The following FOXO1 variants were observed in gnomAD, a reference collection of about 807,000 sequenced individuals.
The protein encoded by FOXO1 is forkhead box O1, also known as forkhead box protein O1.
Under a neutral mutation model 44.1 loss-of-function variants are expected in FOXO1, and 6 were observed. The ratio of observed to expected loss-of-function variants is 0.14; its 90% CI spans 0.07 to 0.27. FOXO1 has a LOEUF of 0.27. Among genes scored for constraint, FOXO1 ranks in the 10% least tolerant of loss-of-function variants. The probability of loss-of-function intolerance (pLI) is 1.00; values close to 1 mark genes in which losing one functional copy is unlikely to be tolerated. For missense variants in FOXO1, 737 were observed against 888.8 expected (o/e 0.83, Z 2.17); for synonymous variants, 380 against 362.7 (o/e 1.05, Z -0.54).
intron 1 of FOXO1, among the ~76,000 whole-genome samples, chr13:40,587,997 T>G (rs1057197256): frequency 3.3e-5 from 5 of 152,150 alleles, no homozygotes; most frequent in Admixed American, 6.6e-5. Context: ...CTTTTCAAAT[T>G]GCATAACACA....
chr13:40,638,690 A>G (rs143399596), intron 1 of FOXO1, among the ~76,000 whole-genome samples: 3 of 152,190 alleles, frequency 2.0e-5, no homozygotes, highest in African/African-American at 7.2e-5. Flanking sequence ...TGGGAGGAGG[A>G]GGAGGGGGCC....
At chr13:40,567,447 A>C (rs184376960) in intron 1 of FOXO1, among the ~76,000 whole-genome samples, 1 of 152,200 alleles carries the variant, frequency 6.6e-6, no homozygotes, top group African/African-American at 2.4e-5. Flanking sequence ...AAAAGGAAAA[A>C]TTAAGACTCA....
At chr13:40,648,146 G>A (rs1242127403) in intron 1 of FOXO1, among the ~76,000 whole-genome samples, 1 of 152,108 alleles carries the variant, frequency 6.6e-6, no homozygotes. Context: ...ACCTACAGTA[G>A]AGGAAAGCCA....
At chr13:40,629,772 T>C (rs905362175) in intron 1 of FOXO1, among the ~76,000 whole-genome samples, 1 of 152,192 alleles carries the variant, frequency 6.6e-6, no homozygotes, top group Non-Finnish European at 1.5e-5. Context: ...TTGCTTCACA[T>C]GCTCAGTGGG....
intron 1 of FOXO1, among the ~76,000 whole-genome samples, chr13:40,633,405 T>C (rs1877042260): frequency 6.6e-6 from 1 of 152,252 alleles, no homozygotes; most frequent in Non-Finnish European, 1.5e-5. Context: ...GGATAAAATA[T>C]ACTATTTCCA....
chr13:40,666,115 C>T lies in FOXO1; in HGVS notation c.98G>A (p.Ser33Asn). Residue 33 changes from serine to asparagine, a missense_variant, in exon 1 of 3, where the codon AGC becomes AAC. This residue lies in a region of FOXO1 where 213 missense variants were observed against 236.4 expected (regional missense o/e 0.90). Transcript: ENST00000379561. ...GCTGGAGGTGGCCGAGTTGGACTGG[C>T]TAAACTCCGGCCTGGGCAGCGGCCA... ...CTWPLPRPEFSQSNSATSSPA... is the reference protein window; with the variant it reads ...CTWPLPRPEFNQSNSATSSPA... 2.1e-6 allele frequency: 3 copies of T among 1,439,772 alleles called. No homozygotes were observed. The highest frequency in any genetic ancestry group is 2.7e-6 in the Non-Finnish European group (3 of 1,099,400). The allele number at this position is 1,439,772 out of a possible 1,614,324, so 89.2% of individuals were successfully genotyped here.
intron 1 of FOXO1, among the ~76,000 whole-genome samples, chr13:40,650,957 G>T (rs111659253): frequency 0.032 from 4,903 of 152,198 alleles, 180 homozygotes; most frequent in African/African-American, 0.083. Flanking sequence ...GTTTCACCAC[G>T]TTAGCCAGGC....
chr13:40,594,549 C>T (rs1875505404), intron 1 of FOXO1, among the ~76,000 whole-genome samples: 1 of 152,068 alleles, frequency 6.6e-6, no homozygotes, highest in African/African-American at 2.4e-5. Context: ...TTCAACCTGC[C>T]ACAGTGGGGA....
chr13:40,570,166 C>T (rs1009933104), intron 1 of FOXO1, among the ~76,000 whole-genome samples: 1 of 151,744 alleles, frequency 6.6e-6, no homozygotes, highest in Non-Finnish European at 1.5e-5. Context: ...AAAAATTGGC[C>T]GGGTGTGGTG....
chr13:40,601,676 G>T (rs1433837984), intron 1 of FOXO1, among the ~76,000 whole-genome samples: 3 of 152,090 alleles, frequency 2.0e-5, no homozygotes, highest in Non-Finnish European at 4.4e-5. Flanking sequence ...GATTAAATGG[G>T]TTTTTTGGTC....
chr13:40,563,037 C>T (rs938890266), intron 1 of FOXO1, among the ~76,000 whole-genome samples: 2 of 152,240 alleles, frequency 1.3e-5, no homozygotes, highest in Non-Finnish European at 2.9e-5. Flanking sequence ...GCACAGTCTC[C>T]CAGCTTTCTT....
At chr13:40,616,743 G>A (rs1412990875) in intron 1 of FOXO1, among the ~76,000 whole-genome samples, 1 of 152,170 alleles carries the variant, frequency 6.6e-6, no homozygotes, top group Non-Finnish European at 1.5e-5. Context: ...TGCATGCAAG[G>A]GGTGTGGAGG....
chr13:40,587,941 A>G (rs1875230849), intron 1 of FOXO1, among the ~76,000 whole-genome samples: 2 of 152,156 alleles, frequency 1.3e-5, no homozygotes, highest in Admixed American at 1.3e-4. Context: ...AAGGCCTTTC[A>G]TGTGAAAGAG....
At chr13:40,617,184 G>A (rs563804595) in intron 1 of FOXO1, among the ~76,000 whole-genome samples, 5 of 152,202 alleles carry the variant, frequency 3.3e-5, no homozygotes, top group South Asian at 2.1e-4. Flanking sequence ...AGTGGCTCAC[G>A]CCTGTAATCC....
intron 1 of FOXO1, chr13:40,619,140 A>T (rs971608824): frequency 2.8e-6 from 1 of 357,020 alleles, no homozygotes; most frequent in Non-Finnish European, 5.4e-6. Context: ...ATAAAAAATT[A>T]GCCGGGTGTG....
chr13:40,652,250 T>C (rs1426485841), intron 1 of FOXO1, among the ~76,000 whole-genome samples: 1 of 151,850 alleles, frequency 6.6e-6, no homozygotes, highest in Non-Finnish European at 1.5e-5. Flanking sequence ...GTATGAATGA[T>C]GGCAGGCTGA....
chr13:40,562,081 C>T (rs1381731891), intron 1 of FOXO1, among the ~76,000 whole-genome samples: 1 of 152,068 alleles, frequency 6.6e-6, no homozygotes, highest in Non-Finnish European at 1.5e-5. Flanking sequence ...AAAACAGAGT[C>T]ATTGCTTTTG....
At chr13:40,600,975 C>T (rs917640905) in intron 1 of FOXO1, among the ~76,000 whole-genome samples, 1 of 152,122 alleles carries the variant, frequency 6.6e-6, no homozygotes, top group African/African-American at 2.4e-5. Flanking sequence ...AACATAAAAC[C>T]TGAGATCAGG....
At chr13:40,620,461 G>T in intron 1 of FOXO1, 1 of 620,976 alleles carries the variant, frequency 1.6e-6, no homozygotes, top group South Asian at 1.7e-5. Flanking sequence ...GTGGCTCTTC[G>T]GTCAATCTTA....
Sources: allele counts gnomAD v4.1 joint callset (sites outside exome capture counted in the v4.1 genomes callset), GRCh38; gene constraint gnomAD v4.1.1; regional missense constraint gnomAD v4.1.1; transcripts MANE v1.5; gene names NCBI Gene and HGNC (gene_info 2026-07-23, HGNC 2026-07-21).